Variants in UBE2H observed in about 807,000 individuals in gnomAD.
UBE2H encodes the protein ubiquitin conjugating enzyme E2 H, also known as ubiquitin-conjugating enzyme E2 H.
A neutral mutation model predicts 29.0 loss-of-function variants in UBE2H; 3 were observed. The observed-to-expected ratio is 0.10, with a 90% CI of 0.05 to 0.27. The LOEUF is 0.27. Ranked by LOEUF, UBE2H falls within the 10% of genes least tolerant of loss-of-function variation. The probability of loss-of-function intolerance (pLI) is 1.00; values close to 1 mark genes in which losing one functional copy is unlikely to be tolerated. For synonymous variants in UBE2H, 69 were observed against 82.9 expected (o/e 0.83, Z 0.91); for missense variants, 68 against 228.2 (o/e 0.30, Z 4.52).
chr7:129,944,507 G>C (rs1419896502), intron 1 of UBE2H, among the ~76,000 whole-genome samples: 1 of 152,140 alleles, frequency 6.6e-6, no homozygotes. Flanking sequence ...TGTAATCCCA[G>C]CACTTTGGGA....
At chr7:129,927,791 G>C (rs1807301242) in intron 1 of UBE2H, among the ~76,000 whole-genome samples, 1 of 152,110 alleles carries the variant, frequency 6.6e-6, no homozygotes, top group Non-Finnish European at 1.5e-5. Context: ...GAGCAGAATA[G>C]TGGTTACTAG....
At chr7:129,933,399 A>G (rs1433822122) in intron 1 of UBE2H, among the ~76,000 whole-genome samples, 1 of 152,194 alleles carries the variant, frequency 6.6e-6, no homozygotes, top group Non-Finnish European at 1.5e-5. Flanking sequence ...AAAGCTCCAT[A>G]ATTTGGATGA....
chr7:129,930,690 C>T (rs893080095), intron 1 of UBE2H, among the ~76,000 whole-genome samples: 4 of 150,492 alleles, frequency 2.7e-5, no homozygotes, highest in Non-Finnish European at 4.4e-5. Context: ...GGGTGGATCA[C>T]GAGGTTAGGA....
At chr7:129,896,580 T>G (rs1806606311) in intron 1 of UBE2H, among the ~76,000 whole-genome samples, 1 of 152,072 alleles carries the variant, frequency 6.6e-6, no homozygotes, top group Non-Finnish European at 1.5e-5. Flanking sequence ...TCATTTTTTA[T>G]TTTTTGTATA....
chr7:129,931,078 C>T (rs1370844856), intron 1 of UBE2H, among the ~76,000 whole-genome samples: 1 of 151,694 alleles, frequency 6.6e-6, no homozygotes, highest in Non-Finnish European at 1.5e-5. Context: ...ATTAGCTGGG[C>T]GTGGTGGTGC....
intron 1 of UBE2H, among the ~76,000 whole-genome samples, chr7:129,911,480 A>T (rs1806936414): frequency 6.6e-6 from 1 of 152,144 alleles, no homozygotes; most frequent in Admixed American, 6.6e-5. Flanking sequence ...AACAGATTGT[A>T]GTAAGAGTTT....
rs190242651 is a variant in UBE2H at position 129,878,394 on chromosome 7, C to A, written c.205+1174G>T. The stretch of plus-strand genomic sequence containing the variant: ...TATCGGGCATTACTTCTTAAGACAG[C>A]CCACAGCAGCCAGGCGCAATGGCTC... On this transcript the variant is annotated intron_variant, in intron 3 of 6. Coordinates refer to ENST00000355621, the MANE Select transcript of UBE2H (RefSeq NM_003344.4). Among the ~76,000 whole-genome samples the A allele has an allele frequency of 2.0e-4, 31 of 152,092 alleles. 1 individual carries two copies. In the East Asian group the frequency reaches 6.0e-3, roughly 29 times the overall value.
At chr7:129,930,318 T>C (rs1378789925) in intron 1 of UBE2H, among the ~76,000 whole-genome samples, 1 of 151,602 alleles carries the variant, frequency 6.6e-6, no homozygotes, top group Non-Finnish European at 1.5e-5. Flanking sequence ...TGCGCCACCA[T>C]GACCAGCTAA....
At chr7:129,867,785 A>ATT (rs1805944537) in intron 3 of UBE2H, among the ~76,000 whole-genome samples, 2 of 149,430 alleles carry the variant, frequency 1.3e-5, no homozygotes, top group Admixed American at 6.7e-5. Flanking sequence ...ATTAGATTAA[A>ATT]AAAAAAAAAC....
At chr7:129,840,989 G>A (rs925949247) in intron 5 of UBE2H, among the ~76,000 whole-genome samples, 1 of 152,110 alleles carries the variant, frequency 6.6e-6, no homozygotes, top group Admixed American at 6.5e-5. Flanking sequence ...CGGTGCTACT[G>A]GCATCCGGTG....
At chr7:129,857,392 C>A in intron 5 of UBE2H, 119 bp downstream of exon 5, 1 of 985,446 alleles carries the variant, frequency 1.0e-6, no homozygotes, top group Non-Finnish European at 1.5e-6. Context: ...CCCAGTCGGT[C>A]CCTCAAAAAT....
chr7:129,913,252 CAAAAAAAAAA>C (rs59869623), intron 1 of UBE2H, among the ~76,000 whole-genome samples: 1 of 75,544 alleles, frequency 1.3e-5, no homozygotes, highest in African/African-American at 4.5e-5. Context: ...AACTCCGTCT[CAAAAAAAAAA>C]AAAAAAAAAG....
chr7:129,839,365 G>A (rs749127838), intron 5 of UBE2H, 30 bp from the exon 6 acceptor site: 1 of 1,609,696 alleles, frequency 6.2e-7, no homozygotes, highest in Non-Finnish European at 8.5e-7. Flanking sequence ...TGTCACACAT[G>A]GGAAATGCAA....
intron 6 of UBE2H, among the ~76,000 whole-genome samples, chr7:129,838,931 C>T (rs952084879): frequency 7.9e-5 from 12 of 152,204 alleles, no homozygotes; most frequent in Non-Finnish European, 1.8e-4. Flanking sequence ...GCCACCACGG[C>T]CAGTCGCAAA....
At chr7:129,949,111 C>G (rs1807824958) in intron 1 of UBE2H, 1 of 446,358 alleles carries the variant, frequency 2.2e-6, no homozygotes, top group South Asian at 1.6e-5. Context: ...CACTGGTTCA[C>G]AGATGAAAGG....
chr7:129,940,522 T>C (rs997478675), intron 1 of UBE2H, among the ~76,000 whole-genome samples: 1 of 152,184 alleles, frequency 6.6e-6, no homozygotes. Flanking sequence ...TCACAAGGGC[T>C]ACCTACTCCT....
chr7:129,843,192 G>T (rs112990072), intron 5 of UBE2H, among the ~76,000 whole-genome samples: 1,728 of 151,742 alleles, frequency 0.011, 32 homozygotes, highest in African/African-American at 0.039. Flanking sequence ...GCAGAGAAGG[G>T]GTTTCACCGT....
chr7:129,899,716 G>GA (rs1324630998), intron 1 of UBE2H, among the ~76,000 whole-genome samples: 4 of 151,960 alleles, frequency 2.6e-5, no homozygotes, highest in Non-Finnish European at 5.9e-5. Context: ...AACCTGATCA[G>GA]AAAAAAACAA....
chr7:129,877,092 T>C (rs769852090), intron 3 of UBE2H, among the ~76,000 whole-genome samples: 5 of 152,238 alleles, frequency 3.3e-5, no homozygotes, highest in African/African-American at 1.2e-4. Flanking sequence ...CAGATTTTCT[T>C]ACATTGCTCT....
Sources: gnomAD v4.1 joint callset for allele counts (sites outside exome capture counted in the v4.1 genomes callset) on GRCh38, gnomAD v4.1.1 for gene constraint, MANE v1.5 for transcripts, NCBI Gene and HGNC (gene_info 2026-07-23, HGNC 2026-07-21) for gene names.